Variants in ADAMTSL1 observed in about 807,000 individuals in gnomAD.
The protein encoded by ADAMTSL1 is ADAMTS like 1, also known as ADAMTS-like protein 1.
ADAMTSL1 carries 126 observed loss-of-function variants against 201.8 expected under a neutral mutation model. The observed-to-expected ratio is 0.62, with a 90% CI of 0.54 to 0.72. The LOEUF (loss-of-function observed/expected upper bound fraction) is 0.72. ADAMTSL1 is among the 30% of genes least tolerant of loss of function. ADAMTSL1 has a pLI of 0.00. For missense variants in ADAMTSL1, 2,679 were observed against 2,277.8 expected (o/e 1.18, Z -3.59); for synonymous variants, 1,121 against 903.4 (o/e 1.24, Z -4.32).
intron 3 of ADAMTSL1, among the ~76,000 whole-genome samples, chr9:18,549,510 C>A (rs1446457841): frequency 6.6e-6 from 1 of 151,926 alleles, no homozygotes; most frequent in Non-Finnish European, 1.5e-5. Flanking sequence ...GGGCAAAAAG[C>A]AAAACAATGG....
At chr9:17,923,249 G>A (rs1052336756) in intron 1 of ADAMTSL1, among the ~76,000 whole-genome samples, 6 of 150,078 alleles carry the variant, frequency 4.0e-5, no homozygotes, top group African/African-American at 7.4e-5. Context: ...CCATTTTCAC[G>A]ATATTGATTC....
intron 26 of ADAMTSL1, among the ~76,000 whole-genome samples, chr9:18,899,850 G>A (rs1410917150): frequency 4.3e-5 from 6 of 139,852 alleles, no homozygotes; most frequent in Non-Finnish European, 6.6e-5. Context: ...GAAGAAAATC[G>A]AGGCAATACC....
chr9:18,849,393 A>G (rs1826340522), intron 23 of ADAMTSL1, among the ~76,000 whole-genome samples: 1 of 152,204 alleles, frequency 6.6e-6, no homozygotes, highest in South Asian at 2.1e-4. Context: ...TGATAATGCA[A>G]ACAATGACAG....
At chr9:18,623,806 G>C (rs1430150670) in intron 5 of ADAMTSL1, among the ~76,000 whole-genome samples, 1 of 152,190 alleles carries the variant, frequency 6.6e-6, no homozygotes, top group African/African-American at 2.4e-5. Flanking sequence ...TCCTTCAATA[G>C]ATCCCTGACT....
At chr9:18,377,035 G>A (rs549311782) in intron 2 of ADAMTSL1, among the ~76,000 whole-genome samples, 28 of 152,190 alleles carry the variant, frequency 1.8e-4, no homozygotes, top group Non-Finnish European at 2.6e-4. Flanking sequence ...ACAAATCCTC[G>A]AAATTCTCAC....
At chr9:18,148,448 T>C (rs1184325602) in intron 1 of ADAMTSL1, among the ~76,000 whole-genome samples, 1 of 151,798 alleles carries the variant, frequency 6.6e-6, no homozygotes, top group Non-Finnish European at 1.5e-5. Flanking sequence ...TCAAGTCAAA[T>C]GGGAATCGGC....
At chr9:18,841,680 G>A (rs1825724591) in intron 23 of ADAMTSL1, among the ~76,000 whole-genome samples, 1 of 152,126 alleles carries the variant, frequency 6.6e-6, no homozygotes, top group Admixed American at 6.6e-5. Flanking sequence ...ACTGTTTTTG[G>A]TTGGTAAGCT....
chr9:17,938,949 C>G (rs1311863413), intron 1 of ADAMTSL1, among the ~76,000 whole-genome samples: 1 of 152,166 alleles, frequency 6.6e-6, no homozygotes, highest in Admixed American at 6.6e-5. Context: ...AGCAGCTTCT[C>G]TGCCTAATGC....
Position 18,354,187 on chromosome 9 carries a change from C to G in ADAMTSL1, c.208-150642C>G, listed in dbSNP as rs144899377. On this transcript the variant is annotated intron_variant, in intron 2 of 29. Transcript: ENST00000680146. The stretch of plus-strand genomic sequence containing the variant: ...TGGTGTAAATACATATTTATATTAT[C>G]TTTTAAAATAGTTGTATAGTGCTCC... Among the ~76,000 whole-genome samples, 798 of 151,248 alleles carry G rather than the reference C, an allele frequency of 5.3e-3. 8 individuals are homozygous for G. Among genetic ancestry groups the G allele is most frequent in the African/African-American group, 0.019 (769 of 41,346 alleles).
chr9:18,695,869 A>G (rs1291789153), intron 13 of ADAMTSL1, among the ~76,000 whole-genome samples: 2 of 152,196 alleles, frequency 1.3e-5, no homozygotes, highest in Non-Finnish European at 2.9e-5. Context: ...AGTACTGGGT[A>G]ATTTCTTTAA....
At chr9:17,961,091 A>G (rs1273666124) in intron 1 of ADAMTSL1, among the ~76,000 whole-genome samples, 2 of 152,148 alleles carry the variant, frequency 1.3e-5, no homozygotes, top group Non-Finnish European at 2.9e-5. Context: ...GAGGCAGGTT[A>G]GCACAATATC....
intron 1 of ADAMTSL1, among the ~76,000 whole-genome samples, chr9:18,007,154 A>T (rs1364988293): frequency 1.3e-5 from 2 of 152,024 alleles, no homozygotes; most frequent in African/African-American, 2.4e-5. Flanking sequence ...GAGTGTTGTT[A>T]ACACAGTTTA....
chr9:18,127,549 C>G (rs1825791754), intron 1 of ADAMTSL1, among the ~76,000 whole-genome samples: 1 of 150,898 alleles, frequency 6.6e-6, no homozygotes, highest in South Asian at 2.1e-4. Context: ...AAGGAGAATA[C>G]TAACATTTTT....
At chr9:18,351,914 G>T (rs1015165690) in intron 2 of ADAMTSL1, among the ~76,000 whole-genome samples, 4 of 152,104 alleles carry the variant, frequency 2.6e-5, no homozygotes, top group Admixed American at 2.0e-4. Flanking sequence ...TAGTTAGGGG[G>T]TATAGACAGT....
In ADAMTSL1 at chr9:18,675,860, C is replaced by T. The variant is rs142601398; in HGVS notation, c.1089C>T (p.Asp363=). 3.7e-5 allele frequency: 59 copies of T among 1,612,750 alleles called. 1 individual carries two copies. Among genetic ancestry groups the T allele is most frequent in the Non-Finnish European group, 2.7e-5 (32 of 1,179,092 alleles). The part of the protein sequence containing the change: ...ECNLDPCPAS[D]GYKQIMPYDL... ...TTGGCATTATTGTTCCTAACAGTGA[C>T]GGATACAAGCAGATCATGCCTTATG... The change falls in exon 10 of 29, where the codon GAC becomes GAT. Residue 363 remains aspartate, a synonymous_variant. Coordinates refer to ENST00000380548, the MANE Select transcript of ADAMTSL1 (RefSeq NM_001040272.6).
intron 1 of ADAMTSL1, among the ~76,000 whole-genome samples, chr9:18,157,693 A>C (rs1242280703): frequency 6.6e-6 from 1 of 152,054 alleles, no homozygotes; most frequent in South Asian, 2.1e-4. Context: ...GTAGAAGAAC[A>C]AACAGAATAC....
chr9:18,792,885 A>T (rs1822145667), intron 19 of ADAMTSL1, among the ~76,000 whole-genome samples: 1 of 152,216 alleles, frequency 6.6e-6, no homozygotes, highest in Admixed American at 6.5e-5. Context: ...AGCTTCTTCG[A>T]AATAAACTAA....
rs1429224588 is a variant in ADAMTSL1, at chr9:18,797,803, A to T, written c.3805+2279A>T. Among the ~76,000 whole-genome samples the T allele has an allele frequency of 2.6e-5, 4 of 152,232 alleles. No individual in the cohort carries two copies. In the East Asian group the frequency reaches 7.7e-4, roughly 29 times the overall value. The stretch of plus-strand genomic sequence containing the variant: ...GCACGTGTGAAAAAGCACTTAACCC[A>T]ATGCCAGGCACATTGTTCATACTCA... On this transcript the variant is annotated intron_variant, in intron 20 of 28. Transcript: ENST00000380548.
chr9:17,963,853 G>T (rs1240970230), intron 1 of ADAMTSL1, among the ~76,000 whole-genome samples: 2 of 152,066 alleles, frequency 1.3e-5, no homozygotes, highest in African/African-American at 4.8e-5. Context: ...CTACTTAAGA[G>T]CCAAATTTTT....
Sources: allele counts gnomAD v4.1 joint callset (sites outside exome capture counted in the v4.1 genomes callset), GRCh38; gene constraint gnomAD v4.1.1; transcripts MANE v1.5; gene names NCBI Gene and HGNC (gene_info 2026-07-23, HGNC 2026-07-21).